YARS1: variants seen among roughly 807,000 people sequenced by gnomAD.
YARS1 encodes the protein tyrosine--tRNA ligase, cytoplasmic.
A neutral mutation model predicts 62.2 loss-of-function variants in YARS1; 36 were observed. The ratio of observed to expected loss-of-function variants is 0.58; its 90% confidence interval spans 0.44 to 0.76. The LOEUF (loss-of-function observed/expected upper bound fraction) is 0.76. Among genes scored for constraint, YARS1 ranks in the 30% least tolerant of loss-of-function variants. The pLI, the probability that YARS1 is intolerant of heterozygous loss-of-function variation, is 0.00. For missense variants in YARS1, 524 were observed against 639.8 expected (o/e 0.82, Z 1.95); for synonymous variants, 234 against 244.9 (o/e 0.96, Z 0.42).
intron 5 of YARS1, among the ~76,000 whole-genome samples, chr1:32,794,219 G>A (rs1461427202): frequency 2.0e-5 from 3 of 151,958 alleles, no homozygotes; most frequent in Non-Finnish European, 4.4e-5. Flanking sequence ...GCGTGGTGGC[G>A]GGCACCTGTA....
chr1:32,792,112 A>G (rs927264692), intron 5 of YARS1, among the ~76,000 whole-genome samples: 1 of 152,204 alleles, frequency 6.6e-6, no homozygotes, highest in African/African-American at 2.4e-5. Context: ...AGATACCAGG[A>G]AGTCTGGCAG....
In YARS1 at chr1:32,810,977, G is replaced by A. The variant is rs1006164787; in HGVS notation, c.138C>T (p.Gly46=). 1 of 1,613,984 alleles carries A rather than the reference G, an allele frequency of 6.2e-7. No homozygotes were observed. Among genetic ancestry groups the A allele is most frequent in the East Asian group, 2.2e-5 (1 of 44,888 alleles). Residue 46 remains glycine, a synonymous_variant, in exon 2 of 13, where the codon GGC becomes GGT. Transcript: ENST00000373477. ...GCACAAAGTAAGCCACATGTGGTTT[G>A]CCCGTGGTTGCCGTTCCCCAGTAAA... ...LKIYWGTATT[G]KPHVAYFVPM...
chr1:32,795,091 C>T (rs541113147), intron 5 of YARS1, among the ~76,000 whole-genome samples: 1 of 147,296 alleles, frequency 6.8e-6, no homozygotes, highest in Non-Finnish European at 1.5e-5. Flanking sequence ...AGGCCAAGGT[C>T]GGAGGATCAT....
At chr1:32,785,879 C>T (rs771064316) in intron 8 of YARS1, among the ~76,000 whole-genome samples, 4 of 114,996 alleles carry the variant, frequency 3.5e-5, no homozygotes, top group Non-Finnish European at 7.0e-5. Context: ...CTGCTGCACC[C>T]AGCCCATTTT....
Position 32,791,006 on chromosome 1 carries a change from G to A in YARS1, c.684+156C>T. 6.8e-6 allele frequency: 5 copies of A among 739,812 alleles called. No homozygotes were observed. In the South Asian group the frequency reaches 7.4e-5, roughly 11 times the overall value. 45.8% of individuals were successfully genotyped at this position (739,812 alleles called of 1,614,324 possible). ...TCATCAGGACTGCTCTGGATCCTTT[G>A]ATACTCAAGAACCACTAAACTAATT... On this transcript the variant is annotated intron_variant, in intron 6 of 12. Transcript: ENST00000373477.
chr1:32,776,980 CTTAG>C lies in YARS1; in HGVS notation c.1477-893_1477-890del, dbSNP rs1464083537. 1.3e-5 allele frequency among the ~76,000 whole-genome samples: 2 copies of C among 151,410 alleles called. No homozygotes were observed. The highest frequency in any genetic ancestry group is 2.4e-5 in the African/African-American group (1 of 41,224). ...AGACTCCGTCTCCAAAAAAAAAGAG[CTTAG>C]TTAGATTTTGATAATTATGGTAGAA... On this transcript the variant is annotated intron_variant, in intron 12 of 12. Coordinates refer to ENST00000373477, the MANE Select transcript of YARS1 (RefSeq NM_003680.4). The surrounding 1 kb of genome is among the most constrained non-coding windows in gnomAD (Gnocchi z 4.0).
At chr1:32,778,366 G>C (rs1265354470) in intron 12 of YARS1, among the ~76,000 whole-genome samples, 1 of 152,016 alleles carries the variant, frequency 6.6e-6, no homozygotes, top group Non-Finnish European at 1.5e-5. Context: ...TGGGCAGGAG[G>C]GACCCTGGGA....
chr1:32,794,037 T>C (rs1653494153), intron 5 of YARS1, among the ~76,000 whole-genome samples: 1 of 152,026 alleles, frequency 6.6e-6, no homozygotes, highest in South Asian at 2.1e-4. Context: ...GGGGTAGATA[T>C]AGATGAAAAG....
rs1338756544 is a variant in YARS1, at chr1:32,806,897, A to G, written c.381-286T>C. ...ACCTGGGTGACAAAATTGTCTGTAC[A>G]CCAAACTCCTGTGACATGTAACAAA... On this transcript the variant is annotated intron_variant, in intron 3 of 12. Coordinates refer to ENST00000373477, the MANE Select transcript of YARS1 (RefSeq NM_003680.4). Among the ~76,000 whole-genome samples the G allele has an allele frequency of 4.6e-5, 7 of 152,196 alleles. No homozygotes were observed. The South Asian group carries it at 1.4e-3, about 32-fold the overall frequency.
At chr1:32,802,978 A>AT (rs34189200) in intron 4 of YARS1, among the ~76,000 whole-genome samples, 2,335 of 89,360 alleles carry the variant, frequency 0.026, 87 homozygotes, top group African/African-American at 0.094. Context: ...ACGCCTGGCT[A>AT]TTTTTTTTTT....
At chr1:32,809,914 T>A (rs1186003695) in intron 3 of YARS1, among the ~76,000 whole-genome samples, 1 of 152,120 alleles carries the variant, frequency 6.6e-6, no homozygotes, top group East Asian at 1.9e-4. Flanking sequence ...GAGGTCAGCC[T>A]GGGTAACATG....
At position 32,776,314 on chromosome 1, in the gene YARS1, A is replaced by AT. The variant is rs1388378855; in HGVS notation, c.1477-224dup. Among the ~76,000 whole-genome samples the AT allele has an allele frequency of 6.6e-6, 1 of 151,888 alleles. No homozygotes were observed. The highest frequency in any genetic ancestry group is 1.5e-5 in the Non-Finnish European group (1 of 67,980). On this transcript the variant is annotated intron_variant, in intron 12 of 12. Transcript: ENST00000373477. The surrounding 1 kb of genome is among the most constrained non-coding windows in gnomAD (Gnocchi z 4.0). ...AGGCATGCACCACCACGCCCGACTA[A>AT]TTTTGTACTTTTAGTAGACACGGGG...
At position 32,797,785 on chromosome 1, in the gene YARS1, T is replaced by G; in HGVS notation, c.569A>C (p.Lys190Thr). 2.5e-6 allele frequency: 4 copies of G among 1,614,176 alleles called. No homozygotes were observed. Among genetic ancestry groups the G allele is most frequent in the Non-Finnish European group, 3.4e-6 (4 of 1,180,034 alleles). ...CACCTTCTCTGCAAAGGTGAAAATCTTTCTCTGATCAATGCCTCCAAATTG... is the reference window on the plus strand; with the variant it reads ...CACCTTCTCTGCAAAGGTGAAAATCGTTCTCTGATCAATGCCTCCAAATTG... The part of the protein sequence containing the change: ...DAQFGGIDQR[K>T]IFTFAEKYLP... The change falls in exon 5 of 13, where the codon AAG (lysine) becomes ACG (threonine). Residue 190 changes from lysine to threonine, a missense_variant. Coordinates refer to ENST00000373477, the MANE Select transcript of YARS1 (RefSeq NM_003680.4).
chr1:32,796,240 G>A (rs1653576563), intron 5 of YARS1, among the ~76,000 whole-genome samples: 1 of 152,174 alleles, frequency 6.6e-6, no homozygotes, highest in Non-Finnish European at 1.5e-5. Context: ...AGGTTGCAGT[G>A]AGCCGAGATC....
intron 5 of YARS1, among the ~76,000 whole-genome samples, chr1:32,791,562 G>T (rs1653413122): frequency 6.6e-6 from 1 of 152,218 alleles, no homozygotes; most frequent in Non-Finnish European, 1.5e-5. Context: ...AGCACTTTGG[G>T]AGGCTGAGGT....
intron 8 of YARS1, among the ~76,000 whole-genome samples, chr1:32,785,875 C>T (rs571145112): frequency 7.6e-6 from 1 of 131,612 alleles, no homozygotes; most frequent in Non-Finnish European, 1.6e-5. Flanking sequence ...TGAGCTGCTG[C>T]ACCCAGCCCA....
rs139705570 is a variant in YARS1 at position 32,791,239 on chromosome 1, C to T, written c.607G>A (p.Gly203Ser). The T allele has an allele frequency of 6.2e-7, 1 of 1,614,032 alleles. No individual in the cohort carries two copies. The change falls in exon 6 of 13, where the codon GGC becomes AGC. Residue 203 changes from glycine to serine, a missense_variant. Physicochemically the swap from Gly to Ser is moderately conservative, Grantham distance 56. Coordinates refer to ENST00000373477, the MANE Select transcript of YARS1 (RefSeq NM_003680.4). ...TFAEKYLPAL[G>S]YSKRVHLMNP... ...ATCAGATGGACCCGTTTTGAATAGC[C>T]AAGTGCAGGGAGGTACTGAGAGATT...
intron 1 of YARS1, among the ~76,000 whole-genome samples, chr1:32,812,760 CA>C (rs1233923486): frequency 6.6e-6 from 1 of 152,090 alleles, no homozygotes; most frequent in East Asian, 1.9e-4. Flanking sequence ...ATCATCAGAT[CA>C]GGGGTCGAGA....
chr1:32,793,867 A>T lies in YARS1; in HGVS notation c.592-2613T>A, dbSNP rs190240021. Among the ~76,000 whole-genome samples, 240 of 152,362 alleles carry T rather than the reference A, an allele frequency of 1.6e-3. 1 individual carries two copies. The highest frequency in any genetic ancestry group is 5.2e-3 in the African/African-American group (218 of 41,588). On this transcript the variant is annotated intron_variant, in intron 5 of 12. Transcript: ENST00000373477. ...ATTTCATACCCAGTGAAAGAAATTG[A>T]AAGATGTTTTCAGATAAAAGAAAGC...
Sources: gnomAD v4.1 joint callset for allele counts (sites outside exome capture counted in the v4.1 genomes callset) on GRCh38, gnomAD v4.1.1 for gene constraint, Gnocchi (gnomAD v3.1) non-coding constraint, MANE v1.5 for transcripts, NCBI Gene and HGNC (gene_info 2026-07-23, HGNC 2026-07-21) for gene names.